Variants in EXOSC9 observed in about 807,000 individuals in gnomAD.
The protein encoded by EXOSC9 is exosome complex component RRP45.
EXOSC9 carries 38 observed loss-of-function variants against 56.5 expected under a neutral mutation model. The ratio of observed to expected loss-of-function variants is 0.67; its 90% CI spans 0.52 to 0.88. The LOEUF (loss-of-function observed/expected upper bound fraction) is 0.88, where lower values mean the gene tolerates loss of function less well. EXOSC9 is among the 40% of genes least tolerant of loss of function. EXOSC9 has a pLI of 0.00. For synonymous variants in EXOSC9, 170 were observed against 170.8 expected, an observed-to-expected ratio of 0.99 and a Z score of 0.04; for missense variants, 559 against 530.5, an observed-to-expected ratio of 1.05 and a Z score of -0.53.
In EXOSC9 at chr4:121,816,873, T is replaced by G. The variant is rs1387455718; in HGVS notation, c.*17T>G. 1.3e-6 allele frequency: 2 copies of G among 1,544,580 alleles called. No homozygotes were observed. The highest frequency in any genetic ancestry group is 1.4e-5 in the African/African-American group (1 of 71,448). On this transcript the variant is annotated 3_prime_UTR_variant, in exon 12 of 12. Transcript: ENST00000243498. Reference sequence around the variant, plus strand: ...GCCAATTAAAGCTAACAGTTGTATATCTGTATATATAACTATTAAAAGGGA... The same window carrying G: ...GCCAATTAAAGCTAACAGTTGTATAGCTGTATATATAACTATTAAAAGGGA...
At chr4:121,806,350 C>G (rs374137022) in intron 5 of EXOSC9, among the ~76,000 whole-genome samples, 1 of 152,088 alleles carries the variant, frequency 6.6e-6, no homozygotes. Context: ...CAGGGTTTCT[C>G]CATGTTGGTC....
intron 8 of EXOSC9, 89 bp downstream of exon 8, chr4:121,811,760 C>A: frequency 5.6e-6 from 3 of 536,756 alleles, no homozygotes; most frequent in Non-Finnish European, 9.6e-6. Flanking sequence ...CTTTATTATG[C>A]ATGAACTTGA....
chr4:121,804,522 C>T, intron 4 of EXOSC9, 100 bp from the exon 5 acceptor site: 2 of 767,918 alleles, frequency 2.6e-6, no homozygotes, highest in South Asian at 2.4e-5. Context: ...CGTGTTTTAA[C>T]AGCAAGAAAA....
intron 8 of EXOSC9, 143 bp from the exon 9 acceptor site, chr4:121,813,091 A>G: frequency 1.5e-6 from 1 of 678,172 alleles, no homozygotes; most frequent in East Asian, 2.8e-5. Flanking sequence ...TAAATTGGTG[A>G]GGTTAAGTTA....
chr4:121,806,125 A>G (rs560096134), intron 5 of EXOSC9, among the ~76,000 whole-genome samples: 47 of 151,194 alleles, frequency 3.1e-4, no homozygotes, highest in African/African-American at 1.1e-3. Context: ...TCTTATATGT[A>G]CATCTTTCAG....
Position 121,802,744 on chromosome 4 carries a change from T to G in EXOSC9, c.232T>G (p.Phe78Val). 6.2e-7 allele frequency: 1 copy of G among 1,614,176 alleles called. No individual in the cohort carries two copies. Among genetic ancestry groups the G allele is most frequent in the Non-Finnish European group, 8.5e-7 (1 of 1,180,012 alleles). ...LNRATEGILF[F>V]NLELSQMAAP... ...TCGGGCAACAGAAGGTATTCTTTTT[T>G]TTAACCTTGAACTCTCTCAGATGGC... The change falls in exon 3 of 12, where the codon TTT becomes GTT. Residue 78 changes from phenylalanine to valine, a missense_variant. Physicochemically the swap from Phe to Val is conservative, Grantham distance 50 (BLOSUM62 -1). Coordinates refer to ENST00000243498, the MANE Select transcript of EXOSC9 (RefSeq NM_005033.3).
At position 121,816,426 on chromosome 4, in the gene EXOSC9, A is replaced by G; in HGVS notation, c.1214A>G (p.Asp405Gly). The change falls in exon 11 of 12, where the codon GAC becomes GGC. Residue 405 changes from aspartate to glycine, a missense_variant. Transcript: ENST00000243498. The part of the protein sequence containing the change: ...EEEEMIILEP[D>G]KNPKKIRTQT... ...GAAGAAATGATCATTTTGGAACCAG[A>G]CAAGAATCCAAAGAAAATAAGGTAA... 6.3e-7 allele frequency: 1 copy of G among 1,577,624 alleles called. No individual in the cohort carries two copies. The highest frequency in any genetic ancestry group is 8.6e-7 in the Non-Finnish European group (1 of 1,161,746).
intron 5 of EXOSC9, among the ~76,000 whole-genome samples, chr4:121,807,150 C>T (rs770181665): frequency 6.6e-6 from 1 of 152,094 alleles, no homozygotes. Flanking sequence ...ATTAGCCGGG[C>T]GTGGTGGCAC....
intron 4 of EXOSC9, 147 bp downstream of exon 4, chr4:121,803,164 G>T: frequency 1.7e-6 from 1 of 594,422 alleles, no homozygotes; most frequent in South Asian, 2.2e-5. Flanking sequence ...GATACCCTTA[G>T]AACTTTGTGC....
intron 2 of EXOSC9, among the ~76,000 whole-genome samples, chr4:121,802,156 CGT>C (rs1726887634): frequency 1.3e-5 from 2 of 152,134 alleles, no homozygotes; most frequent in South Asian, 4.1e-4. Flanking sequence ...TTCTATAAAT[CGT>C]ATAGACAACT....
intron 8 of EXOSC9, 92 bp from the exon 9 acceptor site, chr4:121,813,142 G>A: frequency 2.5e-6 from 3 of 1,219,378 alleles, no homozygotes; most frequent in Admixed American, 4.7e-5. Context: ...TCCACCAAAG[G>A]ATAAAATAAT....
chr4:121,806,013 C>T (rs1056073068), intron 5 of EXOSC9, among the ~76,000 whole-genome samples: 1 of 152,050 alleles, frequency 6.6e-6, no homozygotes, highest in African/African-American at 2.4e-5. Flanking sequence ...CCAAATTGCC[C>T]AGGCTGGTCT....
intron 4 of EXOSC9, 152 bp downstream of exon 4, chr4:121,803,169 T>C: frequency 1.7e-6 from 1 of 575,440 alleles, no homozygotes; most frequent in Non-Finnish European, 3.1e-6. Context: ...CCTTAGAACT[T>C]TGTGCTACCT....
intron 2 of EXOSC9, 117 bp downstream of exon 2, chr4:121,802,038 A>C: frequency 1.4e-6 from 1 of 731,510 alleles, no homozygotes; most frequent in African/African-American, 1.8e-5. Context: ...TGTTTAGCTG[A>C]CAAAAATAAG....
intron 6 of EXOSC9, chr4:121,807,986 A>G (rs1727075543): frequency 4.8e-6 from 1 of 209,466 alleles, no homozygotes; most frequent in Non-Finnish European, 9.5e-6. Flanking sequence ...GGTTATTGGA[A>G]GATAGGGGAC....
chr4:121,808,633 G>T (rs1201698054), intron 6 of EXOSC9, among the ~76,000 whole-genome samples: 1 of 151,890 alleles, frequency 6.6e-6, no homozygotes, highest in Non-Finnish European at 1.5e-5. Flanking sequence ...CAAAATGCTG[G>T]ATTACGGGGA....
At chr4:121,807,133 A>G (rs914810330) in intron 5 of EXOSC9, among the ~76,000 whole-genome samples, 5 of 152,172 alleles carry the variant, frequency 3.3e-5, no homozygotes, top group Non-Finnish European at 7.3e-5. Flanking sequence ...TCTACTAAAA[A>G]TACAAAATTA....
intron 3 of EXOSC9, 27 bp downstream of exon 3, chr4:121,802,820 T>C (rs1038701150): frequency 2.5e-6 from 4 of 1,613,312 alleles, no homozygotes; most frequent in Non-Finnish European, 3.4e-6. Flanking sequence ...CTTAAGTTGC[T>C]TTAGTCATAG....
chr4:121,809,683 C>T (rs1365722248), intron 6 of EXOSC9, among the ~76,000 whole-genome samples: 3 of 152,134 alleles, frequency 2.0e-5, no homozygotes, highest in Admixed American at 6.5e-5. Flanking sequence ...GTCATTTAAT[C>T]AAAGAGATAG....
Sources: allele counts gnomAD v4.1 joint callset (sites outside exome capture counted in the v4.1 genomes callset), GRCh38; gene constraint gnomAD v4.1.1; transcripts MANE v1.5; gene names NCBI Gene and HGNC (gene_info 2026-07-23, HGNC 2026-07-21).